The following NPAS2 variants were observed in gnomAD, a reference collection of about 807,000 sequenced individuals.
NPAS2 encodes the protein neuronal PAS domain-containing protein 2.
In NPAS2, 23 loss-of-function variants were observed where a neutral mutation model predicts 107.5. The ratio of observed to expected loss-of-function variants is 0.21; its 90% confidence interval spans 0.15 to 0.30. The LOEUF is 0.30. NPAS2 is among the 10% of genes least tolerant of loss of function. The pLI is 1.00. For missense variants in NPAS2, 756 were observed against 1,043.3 expected (o/e 0.72, Z 3.79); for synonymous variants, 403 against 417.5 (o/e 0.97, Z 0.42).
At chr2:100,986,359 A>C (rs1411434930) in intron 16 of NPAS2, 4 of 152,256 alleles carry the variant, frequency 2.6e-5, no homozygotes, top group African/African-American at 9.7e-5. Flanking sequence ...GCGCGCCTGC[A>C]TGGTGGGATC....
intron 15 of NPAS2, among the ~76,000 whole-genome samples, chr2:100,978,973 C>T (rs1470448039): frequency 5.3e-5 from 8 of 152,148 alleles, no homozygotes; most frequent in African/African-American, 1.7e-4. Context: ...TTAGCTCTGC[C>T]CAGACCATGG....
chr2:100,904,831 CG>C, intron 2 of NPAS2, 45 bp downstream of exon 2: 1 of 1,439,612 alleles, frequency 6.9e-7, no homozygotes, highest in Non-Finnish European at 9.6e-7. Context: ...CTCTGGCCCC[CG>C]GGGGTCTGCC....
At chr2:100,921,837 A>G (rs548307600) in intron 2 of NPAS2, among the ~76,000 whole-genome samples, 1 of 151,148 alleles carries the variant, frequency 6.6e-6, no homozygotes, top group African/African-American at 2.4e-5. Flanking sequence ...TATTCACCCA[A>G]GAGAAATGAA....
chr2:100,855,774 A>G (rs1037364070), intron 1 of NPAS2, among the ~76,000 whole-genome samples: 2 of 152,210 alleles, frequency 1.3e-5, no homozygotes, highest in Non-Finnish European at 2.9e-5. Context: ...CCAAACTCAC[A>G]GGGCTAGCAG....
intron 7 of NPAS2, among the ~76,000 whole-genome samples, chr2:100,954,436 G>A (rs78834920): frequency 0.24 from 36,633 of 151,968 alleles, 4,820 homozygotes; most frequent in East Asian, 0.46. Flanking sequence ...AGGCAGAGGC[G>A]GGCAGATTGC....
chr2:100,883,286 T>C (rs548740856), intron 1 of NPAS2, among the ~76,000 whole-genome samples: 51 of 152,350 alleles, frequency 3.3e-4, no homozygotes, highest in African/African-American at 1.2e-3. Context: ...ACTGGGTTTA[T>C]GCCAGGCTAT....
At chr2:100,871,444 C>T (rs1395796507) in intron 1 of NPAS2, among the ~76,000 whole-genome samples, 4 of 151,858 alleles carry the variant, frequency 2.6e-5, no homozygotes, top group Admixed American at 6.6e-5. Context: ...GATTCTTGCA[C>T]CCCAGCCTCC....
At chr2:100,962,534 C>G (rs2105141076) in intron 7 of NPAS2, among the ~76,000 whole-genome samples, 1 of 152,298 alleles carries the variant, frequency 6.6e-6, no homozygotes, top group Non-Finnish European at 1.5e-5. Context: ...CCTGCAGAGC[C>G]TTTGAGAAGG....
chr2:100,915,253 T>G (rs1247532273), intron 2 of NPAS2, among the ~76,000 whole-genome samples: 1 of 152,152 alleles, frequency 6.6e-6, no homozygotes, highest in Non-Finnish European at 1.5e-5. Context: ...GAAACCCTGC[T>G]GCTTTCTTCC....
intron 1 of NPAS2, among the ~76,000 whole-genome samples, chr2:100,842,569 G>A (rs777823964): frequency 6.6e-6 from 1 of 152,134 alleles, no homozygotes; most frequent in Non-Finnish European, 1.5e-5. Context: ...TCCTCTTTCT[G>A]CAGTATTCAC....
At chr2:100,967,900 C>T (rs1558921057) in intron 10 of NPAS2, among the ~76,000 whole-genome samples, 1 of 152,198 alleles carries the variant, frequency 6.6e-6, no homozygotes, top group African/African-American at 2.4e-5. Context: ...TGTTTTCGGG[C>T]CAATTCTGGA....
At chr2:100,958,387 G>A (rs948064318) in intron 7 of NPAS2, among the ~76,000 whole-genome samples, 4 of 152,212 alleles carry the variant, frequency 2.6e-5, no homozygotes, top group Admixed American at 6.5e-5. Context: ...CAAAGCGCAT[G>A]CACGCCAGAC....
intron 5 of NPAS2, among the ~76,000 whole-genome samples, chr2:100,941,992 G>A (rs368909283): frequency 1.3e-5 from 2 of 152,140 alleles, no homozygotes; most frequent in Non-Finnish European, 2.9e-5. Context: ...TTCATTGAAC[G>A]AGGGACTGAA....
At position 100,975,314 on chromosome 2, in the gene NPAS2, G is replaced by C. The variant is rs140531437; in HGVS notation, c.1283-144G>C. 1.2e-5 allele frequency: 9 copies of C among 746,126 alleles called. 1 individual carries two copies. The highest frequency in any genetic ancestry group is 8.8e-5 in the African/African-American group (5 of 56,772). The allele number at this position is 746,126 out of a possible 1,614,324, so 46.2% of individuals were successfully genotyped here. ...TCCCAGGCTGGGCTTCTGTGGTTCA[G>C]CTCAACCCTGCATGGTGGACTTCCT... On this transcript the variant is annotated intron_variant, in intron 13 of 20. Coordinates refer to ENST00000335681, the MANE Select transcript of NPAS2 (RefSeq NM_002518.4).
chr2:100,940,575 C>T (rs1056891473), intron 5 of NPAS2, among the ~76,000 whole-genome samples: 4 of 152,154 alleles, frequency 2.6e-5, no homozygotes, highest in Admixed American at 1.3e-4. Context: ...TATGTGTAGG[C>T]GCATAGAACC....
intron 1 of NPAS2, among the ~76,000 whole-genome samples, chr2:100,885,003 C>T (rs1680606062): frequency 6.6e-6 from 1 of 151,492 alleles, no homozygotes; most frequent in African/African-American, 2.4e-5. Context: ...GGCTAGAGCG[C>T]AGTGGCACAG....
chr2:100,883,397 G>A (rs1176807589), intron 1 of NPAS2, among the ~76,000 whole-genome samples: 1 of 152,156 alleles, frequency 6.6e-6, no homozygotes, highest in Non-Finnish European at 1.5e-5. Context: ...TGACTGGAGG[G>A]TGGGAATGAG....
intron 19 of NPAS2, among the ~76,000 whole-genome samples, chr2:100,991,203 TCC>T (rs910422155): frequency 6.6e-6 from 1 of 151,912 alleles, no homozygotes; most frequent in Non-Finnish European, 1.5e-5. Flanking sequence ...CCAAGGACCC[TCC>T]CCCAGGCTCC....
At chr2:100,823,775 A>C (rs1425361096) in intron 1 of NPAS2, 1 of 152,218 alleles carries the variant, frequency 6.6e-6, no homozygotes, top group Non-Finnish European at 1.5e-5. Context: ...AGGGATTGTA[A>C]ACTGAAAATG....
Sources: gnomAD v4.1 joint callset for allele counts (sites outside exome capture counted in the v4.1 genomes callset) on GRCh38, gnomAD v4.1.1 for gene constraint, MANE v1.5 for transcripts, NCBI Gene and HGNC (gene_info 2026-07-23, HGNC 2026-07-21) for gene names.